The following CASR variants were observed in gnomAD, a reference collection of about 807,000 sequenced individuals.
CASR encodes the protein extracellular calcium-sensing receptor.
CASR carries 23 observed loss-of-function variants against 69.1 expected under a neutral mutation model. The ratio of observed to expected loss-of-function variants is 0.33; its 90% CI spans 0.24 to 0.47. The LOEUF (loss-of-function observed/expected upper bound fraction) is 0.47. Among genes scored for constraint, CASR ranks in the 20% least tolerant of loss-of-function variants. The probability of loss-of-function intolerance (pLI) is 1.00; values close to 1 mark genes in which losing one functional copy is unlikely to be tolerated. For synonymous variants in CASR, 541 were observed against 544.7 expected (o/e 0.99, Z 0.10); for missense variants, 924 against 1,356.1 (o/e 0.68, Z 5.00).
intron 1 of CASR, among the ~76,000 whole-genome samples, chr3:122,228,621 G>T (rs540531832): frequency 6.6e-6 from 1 of 152,202 alleles, no homozygotes; most frequent in Non-Finnish European, 1.5e-5. Context: ...CTGAAGGACT[G>T]CTCACTTAGA....
intron 1 of CASR, among the ~76,000 whole-genome samples, chr3:122,201,321 G>T (rs2073948714): frequency 1.3e-5 from 2 of 152,160 alleles, no homozygotes; most frequent in Non-Finnish European, 2.9e-5. Context: ...TTGGGGGTAA[G>T]GTCATAGATC....
intron 1 of CASR, among the ~76,000 whole-genome samples, chr3:122,213,623 C>T (rs1024598296): frequency 2.0e-5 from 3 of 152,170 alleles, no homozygotes; most frequent in African/African-American, 7.2e-5. Context: ...TCTTGGTCCT[C>T]CTGGTCCTTG....
At chr3:122,200,266 T>G (rs2073928972) in intron 1 of CASR, among the ~76,000 whole-genome samples, 1 of 152,196 alleles carries the variant, frequency 6.6e-6, no homozygotes, top group African/African-American at 2.4e-5. Context: ...AGGTGATGGA[T>G]ATGCTAATTA....
At chr3:122,201,347 C>T (rs1022616630) in intron 1 of CASR, among the ~76,000 whole-genome samples, 1 of 152,234 alleles carries the variant, frequency 6.6e-6, no homozygotes, top group African/African-American at 2.4e-5. Context: ...GATCCCAAGG[C>T]AGAAGAACCT....
Position 122,284,503 on chromosome 3 carries a change from C to G in CASR, c.2549C>G (p.Ala850Gly), listed in dbSNP as rs373819680. The change falls in exon 7 of 7, where the codon GCG becomes GGG. Residue 850 changes from alanine to glycine, a missense_variant. Coordinates refer to ENST00000639785, the MANE Select transcript of CASR (RefSeq NM_000388.4). Reference sequence around the variant, plus strand: ...CTGGCAGCCAGCTTTGGCTTGCTGGCGTGCATCTTCTTCAACAAGATCTAC... The same window carrying G: ...CTGGCAGCCAGCTTTGGCTTGCTGGGGTGCATCTTCTTCAACAAGATCTAC... ...AILAASFGLL[A>G]CIFFNKIYII... The G allele has an allele frequency of 6.2e-7, 1 of 1,613,234 alleles. No homozygotes were observed. The highest frequency in any genetic ancestry group is 8.5e-7 in the Non-Finnish European group (1 of 1,179,972).
chr3:122,199,152 C>G (rs557356001), intron 1 of CASR, among the ~76,000 whole-genome samples: 1 of 152,158 alleles, frequency 6.6e-6, no homozygotes, highest in Non-Finnish European at 1.5e-5. Context: ...ATACATCTTT[C>G]CCCATACATA....
At position 122,286,961 on chromosome 3, in the gene CASR, T is replaced by G. The variant is rs2074975768; in HGVS notation, c.*1770T>G. 6.6e-6 allele frequency: 1 copy of G among 152,220 alleles called. No individual in the cohort carries two copies. The highest frequency in any genetic ancestry group is 2.4e-5 in the African/African-American group (1 of 41,438). The allele number at this position is 152,220 out of a possible 1,614,324, so 9.4% of individuals were successfully genotyped here. On this transcript the variant is annotated 3_prime_UTR_variant, in exon 7 of 7. Coordinates refer to ENST00000639785, the MANE Select transcript of CASR (RefSeq NM_000388.4). The stretch of plus-strand genomic sequence containing the variant: ...AATGAGAAATCATTAGAGGGCACCA[T>G]GTGGGAGCGCGACTGTGAGCAGAAG...
At chr3:122,266,062 C>T (rs2074690272) in intron 4 of CASR, among the ~76,000 whole-genome samples, 1 of 152,112 alleles carries the variant, frequency 6.6e-6, no homozygotes, top group South Asian at 2.1e-4. Context: ...TGTTCATTAT[C>T]TGTGTGACCT....
intron 5 of CASR, among the ~76,000 whole-genome samples, chr3:122,276,273 T>G (rs1270499730): frequency 6.6e-6 from 1 of 152,194 alleles, no homozygotes; most frequent in African/African-American, 2.4e-5. Context: ...TTGAAACAGT[T>G]TCATTTTTCA....
At chr3:122,282,548 A>C (rs981390533) in intron 6 of CASR, among the ~76,000 whole-genome samples, 2 of 152,052 alleles carry the variant, frequency 1.3e-5, no homozygotes, top group African/African-American at 4.8e-5. Flanking sequence ...TCTGCTCCAG[A>C]CTCCAGAGTT....
At chr3:122,226,213 C>T (rs954728998) in intron 1 of CASR, among the ~76,000 whole-genome samples, 3 of 152,084 alleles carry the variant, frequency 2.0e-5, no homozygotes, top group African/African-American at 4.8e-5. Context: ...TTCTGATGTT[C>T]GGATGTGTTC....
chr3:122,260,861 T>C (rs577296631), intron 3 of CASR, among the ~76,000 whole-genome samples: 25 of 152,248 alleles, frequency 1.6e-4, no homozygotes, highest in African/African-American at 6.0e-4. Context: ...GAAACAGTTC[T>C]CAGAAATGAC....
chr3:122,276,788 G>T (rs778645142), intron 5 of CASR, among the ~76,000 whole-genome samples: 4 of 152,190 alleles, frequency 2.6e-5, no homozygotes, highest in Non-Finnish European at 5.9e-5. Context: ...GCAGCTAGAA[G>T]CCTGTTAATA....
chr3:122,193,198 T>TCTTTG (rs2073855569), intron 1 of CASR, among the ~76,000 whole-genome samples: 3 of 142,854 alleles, frequency 2.1e-5, no homozygotes, highest in Admixed American at 6.9e-5. Context: ...GGTTTTTTTT[T>TCTTTG]TGTTTGTGTT....
chr3:122,232,379 A>G (rs553585760), intron 1 of CASR, among the ~76,000 whole-genome samples: 21 of 152,294 alleles, frequency 1.4e-4, no homozygotes, highest in African/African-American at 5.1e-4. Context: ...TTCCTTGAGA[A>G]GTGGTGTTTG....
At chr3:122,214,735 G>A (rs2074099585) in intron 1 of CASR, among the ~76,000 whole-genome samples, 1 of 152,172 alleles carries the variant, frequency 6.6e-6, no homozygotes, top group South Asian at 2.1e-4. Context: ...TGGCTGCTAA[G>A]GAGTCCTTGG....
intron 1 of CASR, among the ~76,000 whole-genome samples, chr3:122,201,013 T>TTTTTTTTTTTTG (rs2073944341): frequency 6.8e-6 from 1 of 146,462 alleles, no homozygotes; most frequent in Non-Finnish European, 1.5e-5. Context: ...TTATTTTTTT[T>TTTTTTTTTTTTG]TTTTTTATTG....
intron 5 of CASR, among the ~76,000 whole-genome samples, chr3:122,278,072 T>C (rs1399610051): frequency 2.0e-5 from 3 of 152,198 alleles, no homozygotes; most frequent in African/African-American, 4.8e-5. Context: ...ACCACCTATA[T>C]TTAACTATAA....
At chr3:122,255,977 C>G (rs369498891) in intron 2 of CASR, among the ~76,000 whole-genome samples, 28 of 152,330 alleles carry the variant, frequency 1.8e-4, no homozygotes, top group African/African-American at 6.3e-4. Context: ...AGCCCTGACT[C>G]TGAGCAAAGT....
Sources: allele counts gnomAD v4.1 joint callset (sites outside exome capture counted in the v4.1 genomes callset), GRCh38; gene constraint gnomAD v4.1.1; transcripts MANE v1.5; gene names NCBI Gene and HGNC (gene_info 2026-07-23, HGNC 2026-07-21).